The following RARB variants were observed in gnomAD, a reference collection of about 807,000 sequenced individuals.
RARB encodes the protein HBV-activated protein.
In RARB, 17 loss-of-function variants were observed where a neutral mutation model predicts 51.9. The observed-to-expected ratio is 0.33, with a 90% CI of 0.22 to 0.49. The LOEUF (loss-of-function observed/expected upper bound fraction) is 0.49. Ranked by LOEUF, RARB falls within the 20% of genes least tolerant of loss-of-function variation. RARB has a pLI of 0.99. For missense variants in RARB, 369 were observed against 550.8 expected, an observed-to-expected ratio of 0.67 and a Z score of 3.30; for synonymous variants, 215 against 195.4, an observed-to-expected ratio of 1.10 and a Z score of -0.84.
chr3:24,918,428 A>G (rs754931612), intron 2 of RARB, among the ~76,000 whole-genome samples: 11 of 152,194 alleles, frequency 7.2e-5, no homozygotes, highest in Non-Finnish European at 1.5e-4. Flanking sequence ...CAAAAGAGAA[A>G]GTGGGGTCTT....
chr3:25,506,019 T>C (rs576594448), intron 3 of RARB, among the ~76,000 whole-genome samples: 70 of 152,246 alleles, frequency 4.6e-4, no homozygotes, highest in African/African-American at 1.6e-3. Context: ...CCTGATCATA[T>C]GCATTTAAGT....
intron 5 of RARB, among the ~76,000 whole-genome samples, chr3:25,202,562 G>T (rs925192802): frequency 4.6e-5 from 7 of 152,072 alleles, no homozygotes; most frequent in African/African-American, 1.7e-4. Context: ...GCTTTGTCTT[G>T]CGGGCATTTA....
intron 3 of RARB, among the ~76,000 whole-genome samples, chr3:25,567,071 C>T (rs1011949679): frequency 1.3e-5 from 2 of 152,288 alleles, no homozygotes; most frequent in South Asian, 2.1e-4. Flanking sequence ...GCTTCAGAAT[C>T]GACTCAAACA....
At chr3:25,213,104 A>T (rs188262495) in intron 5 of RARB, among the ~76,000 whole-genome samples, 2 of 152,250 alleles carry the variant, frequency 1.3e-5, no homozygotes, top group Non-Finnish European at 2.9e-5. Flanking sequence ...CATGCCATCC[A>T]TATAAGATAC....
chr3:24,966,729 C>G (rs992197024), intron 2 of RARB, among the ~76,000 whole-genome samples: 1 of 151,546 alleles, frequency 6.6e-6, no homozygotes, highest in African/African-American at 2.4e-5. Context: ...ATGGGTTCAC[C>G]CACTTTAAAG....
chr3:24,850,485 T>C (rs1702541898), intron 1 of RARB, among the ~76,000 whole-genome samples: 1 of 152,200 alleles, frequency 6.6e-6, no homozygotes, highest in Non-Finnish European at 1.5e-5. Flanking sequence ...AGGAAGTAGA[T>C]AAATGTGAAC....
At chr3:24,917,084 A>G (rs1695122826) in intron 2 of RARB, among the ~76,000 whole-genome samples, 1 of 152,206 alleles carries the variant, frequency 6.6e-6, no homozygotes, top group Non-Finnish European at 1.5e-5. Flanking sequence ...AAAACTTTTC[A>G]ACTTTTGTTT....
intron 5 of RARB, among the ~76,000 whole-genome samples, chr3:25,331,955 C>A (rs1473900405): frequency 6.6e-6 from 1 of 152,180 alleles, no homozygotes; most frequent in Non-Finnish European, 1.5e-5. Flanking sequence ...GACACATACA[C>A]CCTCCCAAGA....
At chr3:25,448,267 A>G (rs868351152) in intron 1 of RARB, among the ~76,000 whole-genome samples, 1 of 152,226 alleles carries the variant, frequency 6.6e-6, no homozygotes, top group Middle Eastern at 3.4e-3. Flanking sequence ...GACTGCTCTC[A>G]ATTGGAAGGT....
intron 2 of RARB, chr3:25,462,480 C>A (rs940650883): frequency 6.6e-6 from 1 of 152,168 alleles, no homozygotes; most frequent in Non-Finnish European, 1.5e-5. Context: ...TTGCATGATT[C>A]ATTTGTAATT....
Position 25,262,159 on chromosome 3 carries a change from A to G in RARB, c.178+87584A>G, listed in dbSNP as rs149357751. Among the ~76,000 whole-genome samples, 5 of 152,166 alleles carry G rather than the reference A, an allele frequency of 3.3e-5. No homozygotes were observed. The East Asian group carries it at 9.7e-4, about 29-fold the overall frequency. ...TCATTTTTAACCATTTCATTTCTCAAACTGTGTTCACTGGACCAGATCAAT... is the reference window on the plus strand; with the variant it reads ...TCATTTTTAACCATTTCATTTCTCAGACTGTGTTCACTGGACCAGATCAAT... On this transcript the variant is annotated intron_variant, in intron 5 of 11. Coordinates refer to the RARB transcript ENST00000383772.
intron 3 of RARB, among the ~76,000 whole-genome samples, chr3:25,118,609 G>T (rs1267045206): frequency 6.6e-6 from 1 of 152,126 alleles, no homozygotes; most frequent in Non-Finnish European, 1.5e-5. Flanking sequence ...GTACATGGAG[G>T]ATAGCTGCTC....
At chr3:24,955,036 T>C (rs955839694) in intron 2 of RARB, among the ~76,000 whole-genome samples, 1 of 152,186 alleles carries the variant, frequency 6.6e-6, no homozygotes, top group Non-Finnish European at 1.5e-5. Flanking sequence ...GCCTTTTACA[T>C]CCTGCCCTCT....
rs74963673 is a variant in RARB, at chr3:25,390,376, C to T, written c.179-70817C>T. Among the ~76,000 whole-genome samples the T allele has an allele frequency of 1.8e-3, 281 of 152,182 alleles. 5 individuals are homozygous for T. In the East Asian group the frequency reaches 0.047, roughly 26 times the overall value. On this transcript the variant is annotated intron_variant, in intron 5 of 11. Coordinates refer to the RARB transcript ENST00000383772. ...CTATTTACGAGGAAGAAGTCCTCAC[C>T]GGACACTGGATCTGCCAACACCTTG...
At chr3:25,141,780 G>A (rs1268469645) in intron 4 of RARB, among the ~76,000 whole-genome samples, 1 of 152,064 alleles carries the variant, frequency 6.6e-6, no homozygotes, top group African/African-American at 2.4e-5. Flanking sequence ...AATCAGTTTG[G>A]TAAATCTAGA....
At chr3:24,832,851 T>C (rs1306440992) in intron 1 of RARB, among the ~76,000 whole-genome samples, 1 of 151,964 alleles carries the variant, frequency 6.6e-6, no homozygotes, top group Non-Finnish European at 1.5e-5. Context: ...TCTCATCTGA[T>C]AAATGAGAGA....
chr3:24,920,573 A>G (rs976101694), intron 2 of RARB, among the ~76,000 whole-genome samples: 1 of 116,572 alleles, frequency 8.6e-6, no homozygotes, highest in African/African-American at 2.9e-5. Context: ...ATAAAGAACA[A>G]AGAGAGTGTG....
At chr3:24,946,937 G>A (rs950591422) in intron 2 of RARB, among the ~76,000 whole-genome samples, 1 of 152,174 alleles carries the variant, frequency 6.6e-6, no homozygotes, top group Non-Finnish European at 1.5e-5. Flanking sequence ...ATGAATCTCA[G>A]CATGCATAAA....
intron 2 of RARB, among the ~76,000 whole-genome samples, chr3:24,870,489 A>C (rs1049130075): frequency 1.3e-5 from 2 of 152,104 alleles, no homozygotes; most frequent in African/African-American, 4.8e-5. Flanking sequence ...TTATAAATTT[A>C]TATCAACACT....
Sources: gnomAD v4.1 joint callset for allele counts (sites outside exome capture counted in the v4.1 genomes callset) on GRCh38, gnomAD v4.1.1 for gene constraint, MANE v1.5 for transcripts, NCBI Gene and HGNC (gene_info 2026-07-23, HGNC 2026-07-21) for gene names.